Variants in GARNL3 observed in about 807,000 individuals in gnomAD.
GARNL3 encodes GTPase-activating Rap/Ran-GAP domain-like protein 3.
In GARNL3, 63 loss-of-function variants were observed where a neutral mutation model predicts 125.0. The ratio of observed to expected loss-of-function variants is 0.50; its 90% CI spans 0.41 to 0.62. The LOEUF is 0.62. GARNL3 is among the 20% of genes least tolerant of loss of function. GARNL3 has a pLI of 0.00. For synonymous variants in GARNL3, 439 were observed against 457.5 expected, an observed-to-expected ratio of 0.96 and a Z score of 0.52; for missense variants, 994 against 1,244.0, an observed-to-expected ratio of 0.80 and a Z score of 3.02.
Position 127,342,273 on chromosome 9 carries a change from G to A in GARNL3, c.1190G>A (p.Arg397Gln), listed in dbSNP as rs1220311234. 3 of 1,613,836 alleles carry A rather than the reference G, an allele frequency of 1.9e-6. No individual in the cohort carries two copies. Among genetic ancestry groups the A allele is most frequent in the Non-Finnish European group, 2.5e-6 (3 of 1,179,926 alleles). The change falls in exon 14 of 28, where the codon CGG becomes CAG. Residue 397 changes from arginine (R) to glutamine (Q), a missense_variant. Physicochemically the swap from Arg to Gln is conservative, Grantham distance 43. Around this residue, in one of 5 missense-constraint regions of GARNL3, gnomAD observed 728 missense variants for 865.7 expected, o/e 0.84. Transcript: ENST00000373387. ...ACCCCAACATTTGCCCAGAAACGTC[G>A]GCGTACCCTGGATATGTTGATTAGA... The part of the protein sequence containing the change: ...LETPTFAQKR[R>Q]RTLDMLIRSL...
chr9:127,224,966 C>G (rs1588643098), intron 1 of GARNL3, among the ~76,000 whole-genome samples: 1 of 72,850 alleles, frequency 1.4e-5, no homozygotes, highest in South Asian at 4.4e-4. Context: ...GGGCTGAGGG[C>G]GCGGGGGAAG....
At chr9:127,272,296 A>G (rs1020743483) in intron 1 of GARNL3, among the ~76,000 whole-genome samples, 2 of 149,750 alleles carry the variant, frequency 1.3e-5, no homozygotes, top group Non-Finnish European at 2.9e-5. Flanking sequence ...TTTACTTTCA[A>G]AGGCACTTTA....
Position 127,280,602 on chromosome 9 carries a change from G to A in GARNL3, c.145-10566G>A, listed in dbSNP as rs1426638324. Reference sequence around the variant, plus strand: ...TTCTTCTCCATTGGCCGTATAGTAAGTAGAAAATGTCTTGATATTTTGGAC... The same window carrying A: ...TTCTTCTCCATTGGCCGTATAGTAAATAGAAAATGTCTTGATATTTTGGAC... On this transcript the variant is annotated intron_variant, in intron 1 of 27. Transcript: ENST00000373387. The surrounding 1 kb of genome is among the most constrained non-coding windows in gnomAD (Gnocchi z 4.5). Among the ~76,000 whole-genome samples the A allele has an allele frequency of 6.6e-6, 1 of 152,220 alleles. No homozygotes were observed. The highest frequency in any genetic ancestry group is 2.4e-5 in the African/African-American group (1 of 41,450).
chr9:127,281,680 T>C (rs2064110138), intron 1 of GARNL3, among the ~76,000 whole-genome samples: 1 of 152,224 alleles, frequency 6.6e-6, no homozygotes, highest in Non-Finnish European at 1.5e-5. Context: ...AGAAGTGGAC[T>C]AAAAGAGACC....
chr9:127,334,482 G>A (rs1829440499), intron 9 of GARNL3, among the ~76,000 whole-genome samples: 1 of 152,120 alleles, frequency 6.6e-6, no homozygotes, highest in Non-Finnish European at 1.5e-5. Flanking sequence ...ACAGATGCAG[G>A]GATAGGGGAT....
At chr9:127,329,570 G>T (rs1356326999) in intron 7 of GARNL3, among the ~76,000 whole-genome samples, 1 of 151,956 alleles carries the variant, frequency 6.6e-6, no homozygotes, top group East Asian at 1.9e-4. Flanking sequence ...CCTCAGCAGG[G>T]GTATGGTAGC....
At chr9:127,291,568 C>T (rs540740685) in intron 2 of GARNL3, among the ~76,000 whole-genome samples, 8 of 152,228 alleles carry the variant, frequency 5.3e-5, no homozygotes, top group East Asian at 3.9e-4. Context: ...CACAGCCATC[C>T]GAGCAGTGCC....
chr9:127,286,877 C>T (rs979868490), intron 1 of GARNL3, among the ~76,000 whole-genome samples: 2 of 152,108 alleles, frequency 1.3e-5, no homozygotes, highest in Non-Finnish European at 2.9e-5. Flanking sequence ...CGTCACAGTG[C>T]GGTAAAAAAC....
Position 127,338,164 on chromosome 9 carries a change from A to C in GARNL3, c.1028+3A>C. 6.2e-7 allele frequency: 1 copy of C among 1,603,534 alleles called. No individual in the cohort carries two copies. ...AATCAACAAAATGACAATTACAGGTAGGTAATGACTTTGTCTCGATTGCTT... is the reference window on the plus strand; with the variant it reads ...AATCAACAAAATGACAATTACAGGTCGGTAATGACTTTGTCTCGATTGCTT... On this transcript the variant is annotated splice_donor_region_variant and intron_variant, in intron 12 of 27. Coordinates refer to ENST00000373387, the MANE Select transcript of GARNL3 (RefSeq NM_032293.5).
chr9:127,313,576 C>T lies in GARNL3; in HGVS notation c.438+17C>T, dbSNP rs1471659326. Reference sequence around the variant, plus strand: ...AGAAAAACAGTAAGTATATGGCTCACACTTGAAGCAAAATTTATGCATCAG... The same window carrying T: ...AGAAAAACAGTAAGTATATGGCTCATACTTGAAGCAAAATTTATGCATCAG... On this transcript the variant is annotated intron_variant, in intron 4 of 27. Transcript: ENST00000373387. 2.0e-6 allele frequency: 3 copies of T among 1,512,436 alleles called. No homozygotes were observed. The highest frequency in any genetic ancestry group is 1.1e-5 in the South Asian group (1 of 88,922). The allele number at this position is 1,512,436 out of a possible 1,614,324, so 93.7% of individuals were successfully genotyped here.
intron 2 of GARNL3, among the ~76,000 whole-genome samples, chr9:127,308,963 G>A: frequency 6.6e-6 from 1 of 152,030 alleles, no homozygotes; most frequent in East Asian, 1.9e-4. Flanking sequence ...GTAAGTAAAA[G>A]GTAAACATGC....
intron 22 of GARNL3, among the ~76,000 whole-genome samples, chr9:127,382,239 G>T (rs192468908): frequency 6.6e-6 from 1 of 152,214 alleles, no homozygotes; most frequent in East Asian, 1.9e-4. Flanking sequence ...GGCAGAGGTT[G>T]CAATGAGCTG....
At chr9:127,318,653 C>G (rs183807354) in intron 5 of GARNL3, among the ~76,000 whole-genome samples, 3,824 of 152,142 alleles carry the variant, frequency 0.025, 171 homozygotes, top group African/African-American at 0.088. Context: ...AGCCACCTCT[C>G]GTGCCCCCAC....
At chr9:127,321,484 T>C (rs1299153018) in intron 6 of GARNL3, among the ~76,000 whole-genome samples, 2 of 152,224 alleles carry the variant, frequency 1.3e-5, no homozygotes, top group African/African-American at 2.4e-5. Context: ...CTCTTACTCA[T>C]GTAGTAGACT....
At chr9:127,249,690 T>C (rs768336587) in intron 2 of GARNL3, among the ~76,000 whole-genome samples, 1 of 152,148 alleles carries the variant, frequency 6.6e-6, no homozygotes, top group Non-Finnish European at 1.5e-5. Context: ...AAGTAAAATA[T>C]GGTATGTCTA....
intron 5 of GARNL3, 140 bp from the exon 6 acceptor site, chr9:127,320,575 A>T (rs762646407): frequency 1.6e-5 from 10 of 607,762 alleles, no homozygotes; most frequent in Non-Finnish European, 2.9e-5. Flanking sequence ...GGTTACTTTC[A>T]TCTGTTTGTT....
chr9:127,333,026 T>C lies in GARNL3; in HGVS notation c.674T>C (p.Ile225Thr), dbSNP rs748575990. 211 of 1,610,806 alleles carry C rather than the reference T, an allele frequency of 1.3e-4. No individual in the cohort carries two copies. Among genetic ancestry groups the C allele is most frequent in the Non-Finnish European group, 1.7e-4 (201 of 1,177,046 alleles). Residue 225 changes from isoleucine to threonine, a missense_variant, in exon 9 of 28, where the codon ATT (isoleucine) becomes ACT (threonine). This residue lies in a region of GARNL3 where 71 missense variants were observed against 66.2 expected (regional missense o/e 1.07). Transcript: ENST00000373387. ...CATACTCTACTTCTTCCTGCAGAAA[T>C]TGGAAGCGAGCCTTTTCAAAAATTT... Reference protein sequence around the residue: ...LTDDEMFSNEIGSEPFQKFLN... With the variant: ...LTDDEMFSNETGSEPFQKFLN...
Position 127,376,070 on chromosome 9 carries a change from T to A in GARNL3, c.2162-7368T>A, listed in dbSNP as rs1831887961. On this transcript the variant is annotated intron_variant, in intron 22 of 27. Transcript: ENST00000373387. ...TGCTTCTGGGTTCAAGCGATTCTCA[T>A]GCCTCAGCCTCCCAAGTAGGCTGGG... is the stretch of plus-strand genomic sequence containing the variant. Among the ~76,000 whole-genome samples the A allele has an allele frequency of 2.0e-5, 3 of 152,326 alleles. No individual in the cohort carries two copies. In the South Asian group the frequency reaches 6.2e-4, roughly 32 times the overall value.
At chr9:127,387,353 TTTA>T in intron 25 of GARNL3, 22 bp downstream of exon 25, 1 of 1,591,994 alleles carries the variant, frequency 6.3e-7, no homozygotes, top group Non-Finnish European at 8.6e-7. Context: ...GTTTTACTGT[TTTA>T]TTAATATTTG....
Sources: gnomAD v4.1 joint callset for allele counts (sites outside exome capture counted in the v4.1 genomes callset) on GRCh38, gnomAD v4.1.1 for gene constraint, gnomAD v4.1.1 regional missense constraint, Gnocchi (gnomAD v3.1) non-coding constraint, MANE v1.5 for transcripts, NCBI Gene and HGNC (gene_info 2026-07-23, HGNC 2026-07-21) for gene names.